Variants in KCNIP4 observed in about 807,000 individuals in gnomAD.
KCNIP4 encodes potassium voltage-gated channel interacting protein 4.
KCNIP4 carries 12 observed loss-of-function variants against 34.0 expected under a neutral mutation model. The ratio of observed to expected loss-of-function variants is 0.35; its 90% CI spans 0.23 to 0.57. The LOEUF (loss-of-function observed/expected upper bound fraction) is 0.57. Ranked by LOEUF, KCNIP4 falls within the 20% of genes least tolerant of loss-of-function variation. The pLI, the probability that KCNIP4 is intolerant of heterozygous loss-of-function variation, is 0.83. For missense variants in KCNIP4, 238 were observed against 311.7 expected, an observed-to-expected ratio of 0.76 and a Z score of 1.78; for synonymous variants, 124 against 102.2, an observed-to-expected ratio of 1.21 and a Z score of -1.29.
chr4:21,789,254 A>G (rs890320725), intron 1 of KCNIP4, among the ~76,000 whole-genome samples: 60 of 152,176 alleles, frequency 3.9e-4, no homozygotes, highest in African/African-American at 1.4e-3. Context: ...TCTTAGTTGT[A>G]TAAATTTTCA....
chr4:21,941,665 G>A (rs529809687), intron 1 of KCNIP4, among the ~76,000 whole-genome samples: 1 of 152,186 alleles, frequency 6.6e-6, no homozygotes, highest in South Asian at 2.1e-4. Context: ...ATAAATAATT[G>A]GGGTGGGACA....
chr4:21,701,999 C>T lies in KCNIP4; in HGVS notation c.61+246572G>A, dbSNP rs577013493. Among the ~76,000 whole-genome samples, 247 of 152,028 alleles carry T rather than the reference C, an allele frequency of 1.6e-3. 9 individuals carry two copies. The South Asian group carries it at 0.035, about 22-fold the overall frequency. ...GATTACAGGAGTGAGTCACCATGCC[C>T]GGCCTACTAAAAATACTTTTTAAAA... On this transcript the variant is annotated intron_variant, in intron 1 of 8. Transcript: ENST00000382152.
intron 1 of KCNIP4, among the ~76,000 whole-genome samples, chr4:21,253,284 G>T (rs919637986): frequency 3.9e-5 from 6 of 152,110 alleles, no homozygotes; most frequent in African/African-American, 7.2e-5. Flanking sequence ...TCACCAAGCT[G>T]TGTTATTTAG....
At chr4:21,170,144 T>A (rs1267393327) in intron 1 of KCNIP4, among the ~76,000 whole-genome samples, 2 of 152,132 alleles carry the variant, frequency 1.3e-5, no homozygotes, top group Non-Finnish European at 2.9e-5. Flanking sequence ...TTGGAAATTG[T>A]TCTGATAGTC....
chr4:21,384,477 A>G (rs1428561598), intron 1 of KCNIP4, among the ~76,000 whole-genome samples: 1 of 152,222 alleles, frequency 6.6e-6, no homozygotes, highest in East Asian at 1.9e-4. Context: ...ACAGGGAACA[A>G]TGGGAAGATT....
In KCNIP4 at chr4:20,730,051, T is replaced by C; in HGVS notation, c.*31A>G. On this transcript the variant is annotated 3_prime_UTR_variant, in exon 9 of 9. Transcript: ENST00000382152. ...TAAGGGTGGTAGAATAGTTCACATT[T>C]GTCTGTTGGATTCAGGATCTATTTG... The C allele has an allele frequency of 6.3e-7, 1 of 1,598,452 alleles. No homozygotes were observed. The highest frequency in any genetic ancestry group is 8.5e-7 in the Non-Finnish European group (1 of 1,174,374).
intron 8 of KCNIP4, 65 bp downstream of exon 8, chr4:20,731,940 GC>G: frequency 6.3e-7 from 1 of 1,597,536 alleles, no homozygotes; most frequent in South Asian, 1.1e-5. Context: ...ATGGTAGCTA[GC>G]TGCTAATACT....
intron 1 of KCNIP4, among the ~76,000 whole-genome samples, chr4:21,404,039 C>T (rs1587121): frequency 0.024 from 3,663 of 152,276 alleles, 188 homozygotes; most frequent in East Asian, 0.19. Context: ...CCATACTTTC[C>T]GGTAGCCATG....
chr4:21,906,592 A>T (rs1345044313), intron 1 of KCNIP4, among the ~76,000 whole-genome samples: 1 of 152,182 alleles, frequency 6.6e-6, no homozygotes, highest in Non-Finnish European at 1.5e-5. Flanking sequence ...TGTCTGTTAG[A>T]AGCCACAAAG....
chr4:21,016,770 C>A (rs1044831204), intron 1 of KCNIP4, among the ~76,000 whole-genome samples: 1 of 152,026 alleles, frequency 6.6e-6, no homozygotes, highest in Admixed American at 6.6e-5. Context: ...GCTACCATAC[C>A]CGGTTAACAT....
chr4:21,075,204 T>C (rs1372666049), intron 1 of KCNIP4, among the ~76,000 whole-genome samples: 1 of 152,198 alleles, frequency 6.6e-6, no homozygotes, highest in African/African-American at 2.4e-5. Context: ...GTTAACTTTC[T>C]GTCTCATTGA....
chr4:21,753,191 T>C (rs1471010005), intron 1 of KCNIP4, among the ~76,000 whole-genome samples: 1 of 152,202 alleles, frequency 6.6e-6, no homozygotes, highest in Non-Finnish European at 1.5e-5. Context: ...AGGCTCCTCA[T>C]GCATAATCTG....
intron 1 of KCNIP4, among the ~76,000 whole-genome samples, chr4:21,908,397 G>A (rs1728114402): frequency 6.6e-6 from 1 of 152,140 alleles, no homozygotes; most frequent in Non-Finnish European, 1.5e-5. Context: ...CCTTCCCCAA[G>A]CTCCCCGTCA....
At chr4:21,367,605 T>C (rs1719917550) in intron 1 of KCNIP4, among the ~76,000 whole-genome samples, 1 of 147,486 alleles carries the variant, frequency 6.8e-6, no homozygotes, top group African/African-American at 2.7e-5. Context: ...ATGTTCATCA[T>C]TCCAGTGGAA....
chr4:21,364,088 C>A (rs565285421), intron 1 of KCNIP4, among the ~76,000 whole-genome samples: 1 of 152,020 alleles, frequency 6.6e-6, no homozygotes, highest in African/African-American at 2.4e-5. Context: ...CTTGATGATC[C>A]CTCTTTTACA....
intron 3 of KCNIP4, among the ~76,000 whole-genome samples, chr4:20,780,420 CCAATG>C (rs1280745551): frequency 6.6e-6 from 1 of 152,056 alleles, no homozygotes; most frequent in African/African-American, 2.4e-5. Context: ...TACTGTCAAG[CCAATG>C]AACAAAGATT....
At chr4:21,738,209 TTTG>T (rs1716143358) in intron 1 of KCNIP4, among the ~76,000 whole-genome samples, 1 of 152,092 alleles carries the variant, frequency 6.6e-6, no homozygotes. Context: ...TTGAAATCTA[TTTG>T]TTTTTATTCC....
chr4:21,140,527 ACT>A (rs1190566394), intron 1 of KCNIP4, among the ~76,000 whole-genome samples: 2,521 of 152,186 alleles, frequency 0.017, 71 homozygotes, highest in African/African-American at 0.055. Flanking sequence ...TTAATTTAAA[ACT>A]TTATGCTAAT....
chr4:21,642,052 T>C (rs534835112), intron 1 of KCNIP4, among the ~76,000 whole-genome samples: 2 of 152,314 alleles, frequency 1.3e-5, no homozygotes, highest in Admixed American at 1.3e-4. Context: ...CTGCACACGA[T>C]GTTTCTGCCA....
Sources: allele counts gnomAD v4.1 joint callset (sites outside exome capture counted in the v4.1 genomes callset), GRCh38; gene constraint gnomAD v4.1.1; transcripts MANE v1.5; gene names NCBI Gene and HGNC (gene_info 2026-07-23, HGNC 2026-07-21).